Variants in CAMSAP1 observed in about 807,000 individuals in gnomAD.
CAMSAP1 encodes calmodulin-regulated spectrin-associated protein 1.
CAMSAP1 carries 58 observed loss-of-function variants against 143.5 expected under a neutral mutation model. That is an observed-to-expected ratio of 0.40 (90% CI 0.33 to 0.50). CAMSAP1 has a LOEUF of 0.50. Among genes scored for constraint, CAMSAP1 ranks in the 20% least tolerant of loss-of-function variants. CAMSAP1 has a pLI of 0.45. For missense variants in CAMSAP1, 1,969 were observed against 2,115.7 expected, an observed-to-expected ratio of 0.93 and a Z score of 1.36; for synonymous variants, 945 against 859.3, an observed-to-expected ratio of 1.10 and a Z score of -1.74.
chr9:135,899,144 G>A (rs773768480), intron 1 of CAMSAP1, among the ~76,000 whole-genome samples: 8 of 152,142 alleles, frequency 5.3e-5, no homozygotes, highest in African/African-American at 1.7e-4. Context: ...GGGTCCTGCC[G>A]GGCAGGGGCA....
intron 3 of CAMSAP1, among the ~76,000 whole-genome samples, chr9:135,869,686 C>T (rs575296154): frequency 1.2e-4 from 18 of 152,220 alleles, no homozygotes; most frequent in African/African-American, 4.1e-4. Context: ...ACCCCAGGTA[C>T]ATACCCAAGA....
chr9:135,887,829 C>T (rs1314024879), intron 1 of CAMSAP1, among the ~76,000 whole-genome samples: 3 of 152,088 alleles, frequency 2.0e-5, no homozygotes, highest in Admixed American at 6.5e-5. Flanking sequence ...AGACAAGAGT[C>T]GGCAACGGCA....
chr9:135,847,013 A>T (rs1390779000), intron 7 of CAMSAP1, among the ~76,000 whole-genome samples: 3 of 152,170 alleles, frequency 2.0e-5, no homozygotes, highest in African/African-American at 7.2e-5. Context: ...CATTTGACCC[A>T]GCAATCCCAT....
chr9:135,815,154 T>C lies in CAMSAP1; in HGVS notation c.4449A>G (p.Ile1483Met), dbSNP rs545117750. ...KSNKPIIHNAISHCCLAGKVN... is the reference protein window; with the variant it reads ...KSNKPIIHNAMSHCCLAGKVN... Reference sequence around the variant, plus strand: ...CTTTTCCAGCCAGGCAGCAATGGGATATGGCATTGTGAATAATCGGCTTGT... The same window carrying C: ...CTTTTCCAGCCAGGCAGCAATGGGACATGGCATTGTGAATAATCGGCTTGT... The change falls in exon 16 of 17, where the codon ATA becomes ATG. Residue 1483 changes from isoleucine to methionine, a missense_variant. Coordinates refer to ENST00000389532, the MANE Select transcript of CAMSAP1 (RefSeq NM_015447.4). The C allele has an allele frequency of 1.9e-6, 3 of 1,613,920 alleles. No homozygotes were observed. Among genetic ancestry groups the C allele is most frequent in the Non-Finnish European group, 2.5e-6 (3 of 1,179,870 alleles).
chr9:135,880,201 C>T (rs1372272337), intron 3 of CAMSAP1, among the ~76,000 whole-genome samples: 3 of 152,132 alleles, frequency 2.0e-5, no homozygotes, highest in Non-Finnish European at 4.4e-5. Context: ...GGAGCGTCCC[C>T]GAAGCTCAGG....
At chr9:135,890,714 G>A (rs552390469) in intron 1 of CAMSAP1, among the ~76,000 whole-genome samples, 189 of 152,302 alleles carry the variant, frequency 1.2e-3, no homozygotes, top group African/African-American at 4.3e-3. Context: ...CCAAGGGACC[G>A]CTGGAAGCCA....
intron 16 of CAMSAP1, among the ~76,000 whole-genome samples, chr9:135,812,294 C>G (rs960043086): frequency 2.6e-5 from 4 of 152,126 alleles, no homozygotes; most frequent in African/African-American, 9.7e-5. Context: ...ACGAGATGAA[C>G]AGCATGGGGT....
chr9:135,833,795 A>G (rs1835928870), intron 7 of CAMSAP1, among the ~76,000 whole-genome samples: 1 of 152,212 alleles, frequency 6.6e-6, no homozygotes. Flanking sequence ...CACAACTAAC[A>G]AAAACAAAAA....
Position 135,907,509 on chromosome 9 carries a change from A to G in CAMSAP1, c.-350T>C, listed in dbSNP as rs1588519706. On this transcript the variant is annotated 5_prime_UTR_variant, in exon 1 of 17. Coordinates refer to ENST00000389532, the MANE Select transcript of CAMSAP1 (RefSeq NM_015447.4). The stretch of plus-strand genomic sequence containing the variant: ...CCGGGTGAGCGGCGGCGGCGGCGAC[A>G]GCGGCTGAGGCGGTGGCCAAGGAGC... Among the ~76,000 whole-genome samples, 1 of 144,818 alleles carries G rather than the reference A, an allele frequency of 6.9e-6. No homozygotes were observed. Among genetic ancestry groups the G allele is most frequent in the Non-Finnish European group, 1.5e-5 (1 of 65,532 alleles).
At chr9:135,854,020 T>C (rs1448645169) in intron 5 of CAMSAP1, among the ~76,000 whole-genome samples, 1 of 152,246 alleles carries the variant, frequency 6.6e-6, no homozygotes, top group African/African-American at 2.4e-5. Flanking sequence ...AAAGCCAGCC[T>C]AGAATTTCCT....
At chr9:135,867,316 ATCC>A (rs974835327) in intron 3 of CAMSAP1, among the ~76,000 whole-genome samples, 20 of 152,204 alleles carry the variant, frequency 1.3e-4, no homozygotes, top group Non-Finnish European at 2.4e-4. Context: ...GGATATTTAA[ATCC>A]ACAACCAAGT....
At chr9:135,873,952 TTGACA>T in intron 3 of CAMSAP1, among the ~76,000 whole-genome samples, 1 of 152,242 alleles carries the variant, frequency 6.6e-6, no homozygotes, top group East Asian at 1.9e-4. Flanking sequence ...GCCGAGAGCA[TTGACA>T]CAAAAATCAT....
At chr9:135,837,315 G>A (rs370996132) in intron 7 of CAMSAP1, among the ~76,000 whole-genome samples, 1 of 149,478 alleles carries the variant, frequency 6.7e-6, no homozygotes, top group Non-Finnish European at 1.5e-5. Flanking sequence ...ACATCATCAC[G>A]CACTTTCTAC....
rs1835538392 is a variant in CAMSAP1 at position 135,822,996 on chromosome 9, A to C, written c.1665T>G (p.Ala555=). 1.9e-6 allele frequency: 3 copies of C among 1,613,910 alleles called. No homozygotes were observed. Among genetic ancestry groups the C allele is most frequent in the Admixed American group, 1.7e-5 (1 of 60,006 alleles). Reference sequence around the variant, plus strand: ...GTGAGGCCCTGGGGAACTCCGGGTCAGCCTGCTGGGGAACCACGTCTGCTC... The same window carrying C: ...GTGAGGCCCTGGGGAACTCCGGGTCCGCCTGCTGGGGAACCACGTCTGCTC... The part of the protein sequence containing the change: ...IVRADVVPQQ[A]DPEFPRASPR... The change falls in exon 11 of 17, where the codon GCT becomes GCG. Residue 555 remains alanine, a synonymous_variant. Coordinates refer to ENST00000389532, the MANE Select transcript of CAMSAP1 (RefSeq NM_015447.4). The surrounding 1 kb of genome is among the most constrained non-coding windows in gnomAD (Gnocchi z 6.1).
chr9:135,837,640 T>G (rs1836129033), intron 7 of CAMSAP1, among the ~76,000 whole-genome samples: 2 of 150,388 alleles, frequency 1.3e-5, no homozygotes, highest in African/African-American at 4.9e-5. Context: ...CATCACGCAC[T>G]TTCTACCCCT....
chr9:135,865,117 C>G (rs747964068), intron 4 of CAMSAP1: 1 of 560,034 alleles, frequency 1.8e-6, no homozygotes, highest in African/African-American at 1.9e-5. Flanking sequence ...GGAAACTGGG[C>G]GAAATGTAAC....
intron 2 of CAMSAP1, 63 bp from the exon 3 acceptor site, chr9:135,881,857 G>A (rs551915230): frequency 1.2e-5 from 18 of 1,522,620 alleles, no homozygotes; most frequent in Non-Finnish European, 1.5e-5. Flanking sequence ...TTCTGATGCA[G>A]GGAACCTGCT....
chr9:135,821,633 T>C lies in CAMSAP1; in HGVS notation c.3028A>G (p.Thr1010Ala), dbSNP rs764921666. Residue 1010 changes from threonine (T) to alanine (A), a missense_variant, in exon 11 of 17, where the codon ACT becomes GCT. Coordinates refer to ENST00000389532, the MANE Select transcript of CAMSAP1 (RefSeq NM_015447.4). This position sits in a 1 kb window ranked among gnomAD's most constrained non-coding sequence, Gnocchi z 4.6. ...TTCACGTCGACAACCTCCCCAACAG[T>C]GTCCTCCAGGAGGGCAGCGGAGATC... ...KVISAALLEDTVGEVVDVNEC... is the reference protein window; with the variant it reads ...KVISAALLEDAVGEVVDVNEC... The C allele has an allele frequency of 2.5e-6, 4 of 1,614,026 alleles. No homozygotes were observed. The highest frequency in any genetic ancestry group is 3.4e-6 in the Non-Finnish European group (4 of 1,179,892).
chr9:135,868,089 G>A (rs1387036329), intron 3 of CAMSAP1, among the ~76,000 whole-genome samples: 7 of 151,032 alleles, frequency 4.6e-5, no homozygotes, highest in Admixed American at 3.3e-4. Context: ...ATATCCAGCC[G>A]TATATTTGGA....
Sources: gnomAD v4.1 joint callset for allele counts (sites outside exome capture counted in the v4.1 genomes callset) on GRCh38, gnomAD v4.1.1 for gene constraint, Gnocchi (gnomAD v3.1) non-coding constraint, MANE v1.5 for transcripts, NCBI Gene and HGNC (gene_info 2026-07-23, HGNC 2026-07-21) for gene names.